Variants in SDK1 observed in about 807,000 individuals in gnomAD.
SDK1 encodes sidekick cell adhesion molecule 1.
A neutral mutation model predicts 245.5 loss-of-function variants in SDK1; 157 were observed. That is an observed-to-expected ratio of 0.64 (90% confidence interval 0.56 to 0.73). The LOEUF (loss-of-function observed/expected upper bound fraction) is 0.73, where lower values mean the gene tolerates loss of function less well. Among genes scored for constraint, SDK1 ranks in the 30% least tolerant of loss-of-function variants. SDK1 has a pLI of 0.00. For synonymous variants in SDK1, 1,647 were observed against 1,278.5 expected (o/e 1.29, Z -6.15); for missense variants, 3,583 against 3,002.3 (o/e 1.19, Z -4.52).
chr7:3,856,989 C>G (rs1780563039), intron 5 of SDK1, among the ~76,000 whole-genome samples: 1 of 152,026 alleles, frequency 6.6e-6, no homozygotes, highest in African/African-American at 2.4e-5. Flanking sequence ...CAAGAAATTA[C>G]AAGGCATAAT....
intron 4 of SDK1, among the ~76,000 whole-genome samples, chr7:3,718,738 C>G (rs148213318): frequency 2.7e-5 from 4 of 150,796 alleles, no homozygotes; most frequent in Non-Finnish European, 4.4e-5. Flanking sequence ...GGGAACCAGG[C>G]AAGAATGACC....
In SDK1 at chr7:4,022,960, G is replaced by C. The variant is rs972127212; in HGVS notation, c.2602+5608G>C. Among the ~76,000 whole-genome samples the C allele has an allele frequency of 8.6e-5, 13 of 151,874 alleles. 1 individual carries two copies. Among genetic ancestry groups the C allele is most frequent in the Admixed American group, 8.5e-4 (13 of 15,238 alleles). ...CGCTAATTTTTTTTGTATTTTATTA[G>C]AGACGGGGTTTCGCCGTGTTACCCA... On this transcript the variant is annotated intron_variant, in intron 17 of 44. Coordinates refer to ENST00000404826, the MANE Select transcript of SDK1 (RefSeq NM_152744.4).
intron 4 of SDK1, among the ~76,000 whole-genome samples, chr7:3,727,023 CTT>C (rs1442562214): frequency 2.6e-5 from 4 of 152,206 alleles, no homozygotes; most frequent in Non-Finnish European, 4.4e-5. Context: ...AGGTAGGTCT[CTT>C]TGACTGACAG....
chr7:4,065,560 T>C (rs1160297762), intron 19 of SDK1, among the ~76,000 whole-genome samples: 1 of 152,190 alleles, frequency 6.6e-6, no homozygotes, highest in Non-Finnish European at 1.5e-5. Context: ...AGGCTCACAA[T>C]TGTGGGAGGA....
At chr7:3,399,205 G>A (rs186431221) in intron 1 of SDK1, among the ~76,000 whole-genome samples, 1 of 151,778 alleles carries the variant, frequency 6.6e-6, no homozygotes, top group Admixed American at 6.6e-5. Flanking sequence ...TGAATTTGCT[G>A]GGTCTTTTTT....
At chr7:3,433,382 A>G (rs1226016751) in intron 1 of SDK1, among the ~76,000 whole-genome samples, 3 of 152,132 alleles carry the variant, frequency 2.0e-5, no homozygotes, top group African/African-American at 7.2e-5. Context: ...TATTTCCAGT[A>G]GTATTTTATT....
intron 1 of SDK1, among the ~76,000 whole-genome samples, chr7:3,424,648 G>T (rs2128581965): frequency 6.6e-6 from 1 of 152,310 alleles, no homozygotes; most frequent in South Asian, 2.1e-4. Flanking sequence ...GGTAATCCCA[G>T]CACTTTGGGA....
chr7:3,568,542 T>G (rs1326650550), intron 1 of SDK1, among the ~76,000 whole-genome samples: 4 of 152,230 alleles, frequency 2.6e-5, no homozygotes, highest in Non-Finnish European at 5.9e-5. Flanking sequence ...CCTTCCCCCT[T>G]GGTATCATTT....
chr7:3,616,996 A>T (rs983454747), intron 1 of SDK1, among the ~76,000 whole-genome samples: 2 of 152,204 alleles, frequency 1.3e-5, no homozygotes, highest in Admixed American at 6.5e-5. Context: ...GAGCTAGATT[A>T]TCTGGATTTA....
intron 4 of SDK1, among the ~76,000 whole-genome samples, chr7:3,742,757 G>A (rs1056935133): frequency 2.0e-5 from 3 of 152,066 alleles, no homozygotes; most frequent in African/African-American, 7.2e-5. Context: ...TTATTTCACA[G>A]ACCCAGTCAC....
At chr7:3,424,064 A>T (rs985846742) in intron 1 of SDK1, among the ~76,000 whole-genome samples, 1 of 152,020 alleles carries the variant, frequency 6.6e-6, no homozygotes, top group East Asian at 1.9e-4. Flanking sequence ...GGTGCGCGCC[A>T]CCATGCCTAG....
intron 4 of SDK1, among the ~76,000 whole-genome samples, chr7:3,750,993 G>A (rs1006298814): frequency 3.9e-5 from 6 of 152,146 alleles, no homozygotes; most frequent in Non-Finnish European, 8.8e-5. Context: ...TACCTTTTGA[G>A]AACTGTCTTT....
chr7:3,747,980 A>T (rs1260094302), intron 4 of SDK1, among the ~76,000 whole-genome samples: 2 of 152,072 alleles, frequency 1.3e-5, no homozygotes, highest in Non-Finnish European at 2.9e-5. Flanking sequence ...TTCAAGGGAG[A>T]TTTAGTAATA....
At chr7:3,661,595 G>A (rs1161784405) in intron 4 of SDK1, among the ~76,000 whole-genome samples, 1 of 152,118 alleles carries the variant, frequency 6.6e-6, no homozygotes, top group African/African-American at 2.4e-5. Context: ...AGCATCTACT[G>A]ATTAAAAATT....
chr7:3,416,142 G>T, intron 1 of SDK1, among the ~76,000 whole-genome samples: 1 of 152,148 alleles, frequency 6.6e-6, no homozygotes, highest in Non-Finnish European at 1.5e-5. Flanking sequence ...TATCTTCATT[G>T]TCAAGGTAAT....
At chr7:4,022,481 A>T (rs552021342) in intron 17 of SDK1, among the ~76,000 whole-genome samples, 2 of 152,308 alleles carry the variant, frequency 1.3e-5, no homozygotes, top group East Asian at 3.9e-4. Context: ...GGAACTTGCT[A>T]GGCTGCCGTC....
chr7:4,268,818 G>T lies in SDK1; in HGVS notation c.*3434G>T. 1 of 1,168,234 alleles carries T rather than the reference G, an allele frequency of 8.6e-7. No homozygotes were observed. The highest frequency in any genetic ancestry group is 1.2e-6 in the Non-Finnish European group (1 of 841,366). 72.4% of individuals were successfully genotyped at this position (1,168,234 alleles called of 1,614,324 possible). On this transcript the variant is annotated 3_prime_UTR_variant, in exon 45 of 45. Coordinates refer to ENST00000404826, the MANE Select transcript of SDK1 (RefSeq NM_152744.4). The stretch of plus-strand genomic sequence containing the variant: ...GAGCTGAGCCTGCCCGCTGGGACAC[G>T]TCTCCTTCCCGCGTCACCTTCTGGT...
chr7:3,900,767 TC>T (rs1469958321), intron 5 of SDK1, among the ~76,000 whole-genome samples: 3 of 152,046 alleles, frequency 2.0e-5, no homozygotes, highest in Non-Finnish European at 4.4e-5. Flanking sequence ...CTTTGCATGC[TC>T]TGTCACACAC....
At chr7:3,850,379 G>A (rs531498313) in intron 5 of SDK1, among the ~76,000 whole-genome samples, 1 of 152,288 alleles carries the variant, frequency 6.6e-6, no homozygotes, top group Admixed American at 6.5e-5. Context: ...TTTCTGGAAT[G>A]AAAATAAGAT....
Sources: allele counts gnomAD v4.1 joint callset (sites outside exome capture counted in the v4.1 genomes callset), GRCh38; gene constraint gnomAD v4.1.1; transcripts MANE v1.5; gene names NCBI Gene and HGNC (gene_info 2026-07-23, HGNC 2026-07-21).